The following DCT variants were observed in gnomAD, a reference collection of about 807,000 sequenced individuals.
DCT encodes dopachrome tautomerase.
Under a neutral mutation model 53.0 loss-of-function variants are expected in DCT, and 47 were observed. That is an observed-to-expected ratio of 0.89 (90% confidence interval 0.70 to 1.13). The LOEUF is 1.13. DCT is among the 50% of genes most tolerant of loss of function. The probability of loss-of-function intolerance (pLI) is 0.00; values close to 1 mark genes in which losing one functional copy is unlikely to be tolerated. For missense variants in DCT, 669 were observed against 637.4 expected (o/e 1.05, Z -0.53); for synonymous variants, 244 against 237.0 (o/e 1.03, Z -0.27).
chr13:94,492,656 A>G, the DCT span, among the ~76,000 whole-genome samples: 1 of 152,176 alleles, frequency 6.6e-6, no homozygotes, highest in East Asian at 1.9e-4. Context: ...AAACCCCCAA[A>G]TTTGAGGTTT....
chr13:94,451,243 A>C (rs1029512384), intron 6 of DCT, among the ~76,000 whole-genome samples: 6 of 152,236 alleles, frequency 3.9e-5, no homozygotes, highest in Admixed American at 2.6e-4. Context: ...TTTAAAAAGC[A>C]TAAATACATG....
chr13:94,540,719 A>G, the DCT span, among the ~76,000 whole-genome samples: 4 of 152,220 alleles, frequency 2.6e-5, no homozygotes, highest in Non-Finnish European at 5.9e-5. Context: ...TAGTACAATC[A>G]TTGTGGAGGA....
chr13:94,444,468 T>C (rs771407151), intron 6 of DCT: 2 of 487,738 alleles, frequency 4.1e-6, no homozygotes, highest in Non-Finnish European at 8.1e-6. Flanking sequence ...TGCTCATTTA[T>C]GTTTTCTCAA....
At chr13:94,461,664 A>G (rs907771305) in intron 5 of DCT, among the ~76,000 whole-genome samples, 2 of 152,218 alleles carry the variant, frequency 1.3e-5, no homozygotes, top group Admixed American at 6.5e-5. Flanking sequence ...CGACATTTTA[A>G]AAAATAAGAA....
At chr13:94,511,307 T>C in the DCT span, among the ~76,000 whole-genome samples, 1 of 151,798 alleles carries the variant, frequency 6.6e-6, no homozygotes, top group African/African-American at 2.4e-5. Flanking sequence ...AACTGCTCTC[T>C]TCCTGGAAGG....
chr13:94,508,548 C>T, the DCT span, among the ~76,000 whole-genome samples: 1 of 152,136 alleles, frequency 6.6e-6, no homozygotes, highest in Admixed American at 6.5e-5. Context: ...AGAGTCTCAA[C>T]CTTGTCATAA....
chr13:94,494,023 T>G, the DCT span, among the ~76,000 whole-genome samples: 2 of 152,334 alleles, frequency 1.3e-5, no homozygotes, highest in African/African-American at 4.8e-5. Context: ...TATTAATTTT[T>G]TTAAATGTTT....
At chr13:94,540,994 G>C in the DCT span, among the ~76,000 whole-genome samples, 6 of 152,194 alleles carry the variant, frequency 3.9e-5, no homozygotes, top group African/African-American at 1.4e-4. Flanking sequence ...GCAACAATGT[G>C]GGTGGAACTG....
chr13:94,532,225 T>G, the DCT span, among the ~76,000 whole-genome samples: 1 of 152,180 alleles, frequency 6.6e-6, no homozygotes, highest in African/African-American at 2.4e-5. Flanking sequence ...GAAGACAGTG[T>G]GGCGATTCCT....
the DCT span, among the ~76,000 whole-genome samples, chr13:94,548,913 C>G: frequency 4.5e-3 from 683 of 151,738 alleles, 7 homozygotes; most frequent in African/African-American, 0.016. Context: ...ACTGCCAGAG[C>G]TGCCTATCCA....
Position 94,439,791 on chromosome 13 carries a change from G to A in DCT, c.*107C>T. On this transcript the variant is annotated 3_prime_UTR_variant, in exon 8 of 8. Coordinates refer to ENST00000377028, the MANE Select transcript of DCT (RefSeq NM_001922.5). ...TCATCATCACTATAGAAGAACCTAT[G>A]TCAAAGATCTTCAACTCAAGAAGGA... The A allele has an allele frequency of 1.2e-6, 1 of 829,682 alleles. No individual in the cohort carries two copies. The allele number at this position is 829,682 out of a possible 1,614,324, so 51.4% of individuals were successfully genotyped here. A position where few individuals can be genotyped will look rare whatever the true frequency, so the allele number is the denominator to read the frequency against.
At chr13:94,477,301 G>A (rs1432439096) in intron 1 of DCT, among the ~76,000 whole-genome samples, 3 of 152,112 alleles carry the variant, frequency 2.0e-5, no homozygotes, top group Non-Finnish European at 4.4e-5. Flanking sequence ...TCACCATGTT[G>A]GCCAGGCTGG....
At chr13:94,516,472 A>G in the DCT span, among the ~76,000 whole-genome samples, 3 of 152,228 alleles carry the variant, frequency 2.0e-5, no homozygotes, top group African/African-American at 4.8e-5. Flanking sequence ...GGGGGAAAAA[A>G]CTTTTTAAGA....
At chr13:94,445,893 G>A (rs907199001) in intron 6 of DCT, 30 of 630,250 alleles carry the variant, frequency 4.8e-5, no homozygotes, top group African/African-American at 2.8e-4. Context: ...GTGGGGGGGC[G>A]GGGTGAAATG....
chr13:94,441,918 C>T (rs1882348498), intron 7 of DCT, among the ~76,000 whole-genome samples: 1 of 152,146 alleles, frequency 6.6e-6, no homozygotes. Flanking sequence ...GAGGAATCCC[C>T]ATACTGTTTT....
the DCT span, among the ~76,000 whole-genome samples, chr13:94,534,607 A>G: frequency 6.6e-6 from 1 of 152,376 alleles, no homozygotes; most frequent in East Asian, 1.9e-4. Flanking sequence ...ATAGGCTTTC[A>G]GTGGACCCTG....
At chr13:94,457,790 C>T (rs1211850667) in intron 6 of DCT, among the ~76,000 whole-genome samples, 2 of 152,090 alleles carry the variant, frequency 1.3e-5, no homozygotes, top group African/African-American at 4.8e-5. Flanking sequence ...ATCTGTAAAG[C>T]AGGAGCACTT....
At position 94,436,923 on chromosome 13, in the gene DCT, A is replaced by G. The variant is rs1417285336; in HGVS notation, c.*2975T>C. On this transcript the variant is annotated 3_prime_UTR_variant, in exon 8 of 8. Coordinates refer to ENST00000377028, the MANE Select transcript of DCT (RefSeq NM_001922.5). Reference sequence around the variant, plus strand: ...AAGAGCTTCAACCTTAGAGTCTCCAACAAATTGACCCATCTTGAAGGCTTA... The same window carrying G: ...AAGAGCTTCAACCTTAGAGTCTCCAGCAAATTGACCCATCTTGAAGGCTTA... 3.9e-5 allele frequency: 6 copies of G among 152,216 alleles called. No homozygotes were observed. The highest frequency in any genetic ancestry group is 1.2e-4 in the African/African-American group (5 of 41,458). The allele number at this position is 152,216 out of a possible 1,614,324, so 9.4% of individuals were successfully genotyped here. A position where few individuals can be genotyped will look rare whatever the true frequency, so the allele number is the denominator to read the frequency against.
At chr13:94,535,577 G>A in the DCT span, among the ~76,000 whole-genome samples, 3 of 152,230 alleles carry the variant, frequency 2.0e-5, no homozygotes, top group Admixed American at 1.3e-4. Context: ...AAGCATTAAT[G>A]TAGGCAGTGC....
Sources: allele counts gnomAD v4.1 joint callset (sites outside exome capture counted in the v4.1 genomes callset), GRCh38; gene constraint gnomAD v4.1.1; transcripts MANE v1.5; gene names NCBI Gene and HGNC (gene_info 2026-07-23, HGNC 2026-07-21).